SEMA3A: variants seen among roughly 807,000 people sequenced by gnomAD.
SEMA3A encodes the protein semaphorin 3A.
SEMA3A carries 29 observed loss-of-function variants against 97.9 expected under a neutral mutation model. The observed-to-expected ratio is 0.30, with a 90% CI of 0.22 to 0.40. SEMA3A has a LOEUF of 0.40. SEMA3A is among the 10% of genes least tolerant of loss of function. The pLI is 1.00. For missense variants in SEMA3A, 763 were observed against 951.3 expected (o/e 0.80, Z 2.60); for synonymous variants, 321 against 323.7 (o/e 0.99, Z 0.09).
intron 4 of SEMA3A, among the ~76,000 whole-genome samples, chr7:84,068,415 A>C (rs1229213646): frequency 1.3e-5 from 2 of 148,454 alleles, no homozygotes; most frequent in African/African-American, 5.1e-5. Context: ...CTAAAACTTA[A>C]AGTATAATTA....
chr7:84,011,063 A>G lies in SEMA3A; in HGVS notation c.954T>C (p.Asp318=), dbSNP rs1434247624. 6.2e-7 allele frequency: 1 copy of G among 1,612,566 alleles called. No homozygotes were observed. The highest frequency in any genetic ancestry group is 8.5e-7 in the Non-Finnish European group (1 of 1,179,010). The stretch of plus-strand genomic sequence containing the variant: ...CTCCATATACAACTGGATTTTTAGG[A>G]TCTTTAAAGTTCATTAGGAATACAT... ...LQDVFLMNFK[D]PKNPVVYGVF... Residue 318 remains aspartate, a synonymous_variant, in exon 9 of 17, where the codon GAT becomes GAC. Transcript: ENST00000265362.
At chr7:84,220,600 A>G (rs910061608) in intron 3 of SEMA3A, among the ~76,000 whole-genome samples, 1 of 152,128 alleles carries the variant, frequency 6.6e-6, no homozygotes, top group East Asian at 1.9e-4. Context: ...CTACAGAATA[A>G]ATGTCATATT....
chr7:84,441,793 G>A (rs1805280914), intron 1 of SEMA3A, among the ~76,000 whole-genome samples: 1 of 152,138 alleles, frequency 6.6e-6, no homozygotes, highest in African/African-American at 2.4e-5. Flanking sequence ...TAAAATAGAT[G>A]TGACTGGTCC....
intron 3 of SEMA3A, among the ~76,000 whole-genome samples, chr7:84,216,359 C>T (rs1798756211): frequency 6.6e-6 from 1 of 152,172 alleles, no homozygotes; most frequent in Admixed American, 6.6e-5. Flanking sequence ...CCTGCCTTGG[C>T]CTCCCAAAGT....
At chr7:84,297,194 C>T (rs1171740286) in intron 3 of SEMA3A, among the ~76,000 whole-genome samples, 1 of 152,114 alleles carries the variant, frequency 6.6e-6, no homozygotes, top group Non-Finnish European at 1.5e-5. Flanking sequence ...TCAGGCTGGT[C>T]TCAAACTTCT....
chr7:84,002,043 A>G lies in SEMA3A; in HGVS notation c.1364T>C (p.Val455Ala). ...TGAAACTACTTTAAGAACGGTCCCA[A>G]CATCTTTGAAAGAAAGTGGGGAGAA... Reference protein sequence around the residue: ...QYDVMFIGTDVGTVLKVVSIP... With the variant: ...QYDVMFIGTDAGTVLKVVSIP... The change falls in exon 12 of 17, where the codon GTT becomes GCT. Residue 455 changes from valine to alanine, a missense_variant. Val to Ala is a moderately conservative substitution (Grantham distance 64). Around this residue, in one of 2 missense-constraint regions of SEMA3A, gnomAD observed 678 missense variants for 881.3 expected, o/e 0.77. Coordinates refer to ENST00000265362, the MANE Select transcript of SEMA3A (RefSeq NM_006080.3). 1.3e-6 allele frequency: 2 copies of G among 1,596,468 alleles called. No individual in the cohort carries two copies. Among genetic ancestry groups the G allele is most frequent in the African/African-American group, 1.3e-5 (1 of 74,590 alleles).
chr7:84,052,471 T>G (rs1007324039), intron 5 of SEMA3A, among the ~76,000 whole-genome samples: 9 of 152,168 alleles, frequency 5.9e-5, no homozygotes, highest in Non-Finnish European at 8.8e-5. Context: ...TTTATCCATT[T>G]CTTCTGGATT....
intron 3 of SEMA3A, among the ~76,000 whole-genome samples, chr7:84,245,580 T>C (rs1409981778): frequency 1.3e-5 from 2 of 151,582 alleles, no homozygotes; most frequent in East Asian, 4.0e-4. Flanking sequence ...CACCTTCTGC[T>C]TGTTAGTTTT....
intron 3 of SEMA3A, among the ~76,000 whole-genome samples, chr7:84,114,255 T>C (rs1795357671): frequency 6.6e-6 from 1 of 152,154 alleles, no homozygotes; most frequent in Non-Finnish European, 1.5e-5. Context: ...TGTTCTTAAA[T>C]TCTGGATGGA....
Position 84,312,951 on chromosome 7 carries a change from CAT to C in SEMA3A, c.-168-5661_-168-5660del, listed in dbSNP as rs1491472658. On this transcript the variant is annotated intron_variant, in intron 2 of 3. Coordinates refer to the SEMA3A transcript ENST00000424555. ...ACACACACACACACACACGTACACA[CAT>C]ATATGTTACATATTGTATATAATAT... 3.0e-3 allele frequency among the ~76,000 whole-genome samples: 358 copies of C among 121,262 alleles called. 5 individuals are homozygous for C. Among genetic ancestry groups the C allele is most frequent in the African/African-American group, 0.012 (339 of 29,138 alleles). 79.6% of individuals were successfully genotyped at this position (121,262 alleles called of 152,430 possible).
At chr7:83,982,183 C>CT (rs11445754) in intron 13 of SEMA3A, among the ~76,000 whole-genome samples, 59,216 of 151,912 alleles carry the variant, frequency 0.39, 12,066 homozygotes, top group Middle Eastern at 0.49. Flanking sequence ...CTAGGTCTCG[C>CT]TGCCCATTAA....
chr7:83,972,965 G>A (rs1788977717), intron 15 of SEMA3A, among the ~76,000 whole-genome samples: 1 of 152,132 alleles, frequency 6.6e-6, no homozygotes, highest in African/African-American at 2.4e-5. Context: ...AATACTGCAA[G>A]TATTTGATTC....
chr7:84,210,773 T>C (rs1419877319), intron 3 of SEMA3A, among the ~76,000 whole-genome samples: 1 of 152,112 alleles, frequency 6.6e-6, no homozygotes, highest in Non-Finnish European at 1.5e-5. Context: ...TTTACACCAC[T>C]GAAACTAGTC....
At chr7:83,993,711 G>T (rs1308021847) in intron 12 of SEMA3A, among the ~76,000 whole-genome samples, 2 of 100,776 alleles carry the variant, frequency 2.0e-5, no homozygotes, top group Non-Finnish European at 4.0e-5. Flanking sequence ...GCTTCCCTTT[G>T]AGGGTAACCC....
At chr7:84,217,163 C>A (rs10279272) in intron 3 of SEMA3A, among the ~76,000 whole-genome samples, 7 of 152,118 alleles carry the variant, frequency 4.6e-5, no homozygotes, top group Non-Finnish European at 1.0e-4. Context: ...CAATGGTTAA[C>A]GCAGAAAGGA....
intron 4 of SEMA3A, among the ~76,000 whole-genome samples, chr7:84,099,444 T>C (rs1794886719): frequency 6.6e-6 from 1 of 152,148 alleles, no homozygotes; most frequent in African/African-American, 2.4e-5. Context: ...ATTTTCTTTA[T>C]TTACGAGTAA....
intron 3 of SEMA3A, among the ~76,000 whole-genome samples, chr7:84,206,234 A>G (rs1798491357): frequency 6.6e-6 from 1 of 152,194 alleles, no homozygotes; most frequent in Non-Finnish European, 1.5e-5. Context: ...TATATACTTT[A>G]AAAGCATTAA....
At chr7:84,482,702 G>A (rs981491109) in intron 1 of SEMA3A, among the ~76,000 whole-genome samples, 1 of 152,084 alleles carries the variant, frequency 6.6e-6, no homozygotes, top group African/African-American at 2.4e-5. Context: ...TTATTGTTGT[G>A]GCCACAACTG....
At chr7:84,318,733 A>C (rs1212821019) in intron 2 of SEMA3A, among the ~76,000 whole-genome samples, 2 of 151,896 alleles carry the variant, frequency 1.3e-5, no homozygotes, top group African/African-American at 4.8e-5. Flanking sequence ...TTCAACAGCC[A>C]CTCTTATCTT....
Sources: allele counts gnomAD v4.1 joint callset (sites outside exome capture counted in the v4.1 genomes callset), GRCh38; gene constraint gnomAD v4.1.1; regional missense constraint gnomAD v4.1.1; transcripts MANE v1.5; gene names NCBI Gene and HGNC (gene_info 2026-07-23, HGNC 2026-07-21).